Variants in CDK10 observed in about 807,000 individuals in gnomAD.
CDK10 encodes the protein cyclin-dependent kinase 10.
CDK10 carries 55 observed loss-of-function variants against 51.0 expected under a neutral mutation model. The observed-to-expected ratio is 1.08, with a 90% CI of 0.87 to 1.35. CDK10 has a LOEUF of 1.35. Among genes scored for constraint, CDK10 ranks in the 40% most tolerant of loss-of-function variants. The probability of loss-of-function intolerance (pLI) is 0.00; values close to 1 mark genes in which losing one functional copy is unlikely to be tolerated. For missense variants in CDK10, 589 were observed against 485.1 expected (o/e 1.21, Z -2.01); for synonymous variants, 255 against 199.1 (o/e 1.28, Z -2.36).
chr16:89,691,278 C>T (rs1328978912), intron 3 of CDK10, among the ~76,000 whole-genome samples, 165 bp from the exon 4 acceptor site: 1 of 151,110 alleles, frequency 6.6e-6, no homozygotes, highest in Non-Finnish European at 1.5e-5. Flanking sequence ...AGCGAAACTC[C>T]GTCTCAAAAA....
At chr16:89,690,757 C>G in intron 3 of CDK10, 133 bp downstream of exon 3, 2 of 764,130 alleles carry the variant, frequency 2.6e-6, no homozygotes, top group Non-Finnish European at 2.3e-6. Flanking sequence ...TCTGGTGTGG[C>G]CCAGCACATC....
intron 2 of CDK10, chr16:89,690,177 A>T (rs1044769509): frequency 1.8e-5 from 4 of 224,176 alleles, no homozygotes; most frequent in African/African-American, 9.0e-5. Flanking sequence ...CCATCTTCAC[A>T]CAAAATAAGG....
chr16:89,695,841 TCTGCCCTGAACCCACTG>T lies in CDK10; in HGVS notation c.*156_*172del. On this transcript the variant is annotated 3_prime_UTR_variant, in exon 13 of 13. Transcript: ENST00000353379. ...ATCCTCCACTGACTTCCTCCCACTG[TCTGCCCTGAACCCACTG>T]CTGCCCCCAGAAAAAGGCCGGGTGA... 1.3e-6 allele frequency: 2 copies of T among 1,521,792 alleles called. No homozygotes were observed. The highest frequency in any genetic ancestry group is 1.8e-6 in the Non-Finnish European group (2 of 1,131,366). The allele number at this position is 1,521,792 out of a possible 1,614,324, so 94.3% of individuals were successfully genotyped here.
intron 1 of CDK10, among the ~76,000 whole-genome samples, chr16:89,688,229 C>T (rs1022351143): frequency 3.3e-5 from 5 of 151,880 alleles, no homozygotes; most frequent in Non-Finnish European, 7.4e-5. Flanking sequence ...CTACAGGCGC[C>T]CGCCACCACG....
At chr16:89,689,154 G>T (rs2060330778) in intron 1 of CDK10, 98 bp from the exon 2 acceptor site, 1 of 1,105,252 alleles carries the variant, frequency 9.0e-7, no homozygotes, top group African/African-American at 1.5e-5. Context: ...TGGTGAGCAA[G>T]ACGTGAGTGG....
At chr16:89,694,562 C>G in intron 9 of CDK10, 103 bp from the exon 10 acceptor site, 1 of 1,531,416 alleles carries the variant, frequency 6.5e-7, no homozygotes, top group Non-Finnish European at 8.8e-7. Flanking sequence ...GTGCCTCACA[C>G]TGGCAGGGTC....
Position 89,695,326 on chromosome 16 carries a change from T to C in CDK10, c.966T>C (p.Tyr322=), listed in dbSNP as rs2060668866. 2 of 1,612,560 alleles carry C rather than the reference T, an allele frequency of 1.2e-6. No individual in the cohort carries two copies. The highest frequency in any genetic ancestry group is 1.7e-6 in the Non-Finnish European group (2 of 1,179,112). The part of the protein sequence containing the change: ...ATAGDCLESS[Y]FKEKPLPCEP... Reference sequence around the variant, plus strand: ...CCGGGGACTGCCTGGAGAGCTCCTATTTCAAGGAGAAGCCCCTACGTGAGT... The same window carrying C: ...CCGGGGACTGCCTGGAGAGCTCCTACTTCAAGGAGAAGCCCCTACGTGAGT... The change falls in exon 12 of 13, where the codon TAT becomes TAC. Residue 322 remains tyrosine (Y), a synonymous_variant. Transcript: ENST00000353379.
Position 89,696,216 on chromosome 16 carries a change from C to T in CDK10, c.*524C>T, listed in dbSNP as rs1317648241. 1.8e-5 allele frequency: 5 copies of T among 270,644 alleles called. No individual in the cohort carries two copies. Among genetic ancestry groups the T allele is most frequent in the Non-Finnish European group, 2.9e-5 (4 of 139,346 alleles). 16.8% of individuals were successfully genotyped at this position (270,644 alleles called of 1,614,324 possible). On this transcript the variant is annotated 3_prime_UTR_variant, in exon 13 of 13. Transcript: ENST00000353379. ...GGGGTGGGAGCCACAATTGAGGATA[C>T]CCCGAGACTACCAGGAGAGCCCTGG... is the stretch of plus-strand genomic sequence containing the variant.
rs138750016 is a variant in CDK10, at chr16:89,693,474, CCTT to C, written c.608+10_608+12del. On this transcript the variant is annotated splice_region_variant and intron_variant, in intron 8 of 12. Transcript: ENST00000353379. ...CCAAGGTGGTCACTCTCTGGTAAGT[CCTT>C]CTGAAGCATGGTGGCCCCTGGGGAC... 3.6e-3 allele frequency: 5,860 copies of C among 1,613,862 alleles called. 10 individuals are homozygous for C. Among genetic ancestry groups the C allele is most frequent in the Non-Finnish European group, 4.5e-3 (5,353 of 1,179,882 alleles).
chr16:89,690,534 C>T lies in CDK10; in HGVS notation c.161-19C>T, dbSNP rs760368884. 1.2e-6 allele frequency: 2 copies of T among 1,611,576 alleles called. No homozygotes were observed. The highest frequency in any genetic ancestry group is 1.7e-6 in the Non-Finnish European group (2 of 1,177,884). ...AGGGGCATCGAGATGATGTCATCAC[C>T]AATGTGTTTCCATTCCAGATCGGGC... is the stretch of plus-strand genomic sequence containing the variant. On this transcript the variant is annotated intron_variant, in intron 2 of 12. Coordinates refer to ENST00000353379, the MANE Select transcript of CDK10 (RefSeq NM_052988.5).
intron 8 of CDK10, 59 bp downstream of exon 8, chr16:89,693,526 C>T: frequency 2.6e-6 from 4 of 1,551,458 alleles, no homozygotes; most frequent in Non-Finnish European, 2.7e-6. Flanking sequence ...TGGAGGTCTC[C>T]TTGGGGATGT....
At chr16:89,692,798 A>G in intron 6 of CDK10, 1 of 295,848 alleles carries the variant, frequency 3.4e-6, no homozygotes. Flanking sequence ...GATTTTTAAA[A>G]GGTCCAAACA....
chr16:89,687,022 G>C (rs1337147240), intron 1 of CDK10: 3 of 457,928 alleles, frequency 6.6e-6, no homozygotes, highest in Admixed American at 4.4e-5. Flanking sequence ...GCTCAGGGAT[G>C]CCTCGCGCCC....
At chr16:89,688,217 G>A (rs1229928063) in intron 1 of CDK10, among the ~76,000 whole-genome samples, 1 of 151,810 alleles carries the variant, frequency 6.6e-6, no homozygotes, top group African/African-American at 2.4e-5. Flanking sequence ...AAGCAGCTGG[G>A]ACTACAGGCG....
In CDK10 at chr16:89,686,734, C is replaced by A; in HGVS notation, c.24C>A (p.Cys8Ter). ...GCATGGCGGAGCCAGATCTGGAGTG[C>A]GAGCAGATCCGTCTGAAGTGTATTC... MAEPDLECEQIRLKCIRK... is the reference protein window; with the variant it reads MAEPDLE The change falls in exon 1 of 13, where the codon TGC (cysteine) becomes TGA (stop). Residue 8 changes from cysteine (C) to a stop codon, truncating the protein, a stop_gained. Transcript: ENST00000353379. LOFTEE classifies it high-confidence loss of function. 1.2e-6 allele frequency: 2 copies of A among 1,610,416 alleles called. No homozygotes were observed. The highest frequency in any genetic ancestry group is 1.1e-5 in the South Asian group (1 of 90,638).
chr16:89,694,748 T>C lies in CDK10; in HGVS notation c.752T>C (p.Ile251Thr). Residue 251 changes from isoleucine to threonine, a missense_variant, in exon 10 of 13, where the codon ATC becomes ACC. By Grantham distance (89) the Ile-to-Thr change is moderately conservative. Coordinates refer to ENST00000353379, the MANE Select transcript of CDK10 (RefSeq NM_052988.5). ...GTSEIHQIDLIVQLLGTPSEN... is the reference protein window; with the variant it reads ...GTSEIHQIDLTVQLLGTPSEN... Reference sequence around the variant, plus strand: ...TCCGAGATCCACCAGATCGACTTGATCGTGCAGCTGCTGGGCACGCCCAGT... The same window carrying C: ...TCCGAGATCCACCAGATCGACTTGACCGTGCAGCTGCTGGGCACGCCCAGT... 6 of 1,572,986 alleles carry C rather than the reference T, an allele frequency of 3.8e-6. No individual in the cohort carries two copies. The highest frequency in any genetic ancestry group is 5.2e-6 in the Non-Finnish European group (6 of 1,160,208).
At chr16:89,695,418 G>A (rs2060675744) in intron 12 of CDK10, 73 bp downstream of exon 12, 19 of 1,541,136 alleles carry the variant, frequency 1.2e-5, no homozygotes, top group Middle Eastern at 1.7e-4. Flanking sequence ...GTGGGTGGTG[G>A]AGAAGTGGCC....
rs546186910 is a variant in CDK10 at position 89,692,321 on chromosome 16, C to T, written c.418-128C>T. 5 of 672,436 alleles carry T rather than the reference C, an allele frequency of 7.4e-6. No individual in the cohort carries two copies. In the South Asian group the frequency reaches 1.1e-4, roughly 15 times the overall value. The allele number at this position is 672,436 out of a possible 1,614,324, so 41.7% of individuals were successfully genotyped here. A position where few individuals can be genotyped will look rare whatever the true frequency, so the allele number is the denominator to read the frequency against. ...GAGCGTGCAGCCCCGGGGCCGAGAG[C>T]CTTCTGAGGGCACTGGTTTCCTGGG... On this transcript the variant is annotated intron_variant, in intron 5 of 12. Coordinates refer to ENST00000353379, the MANE Select transcript of CDK10 (RefSeq NM_052988.5).
chr16:89,696,067 A>G lies in CDK10; in HGVS notation c.*375A>G. ...TTGTGGTGGACGCTGGCCTGGGATG[A>G]GAGGGCCCAGAAGACCTTCGTATCC... On this transcript the variant is annotated 3_prime_UTR_variant, in exon 13 of 13. Transcript: ENST00000353379. 1.8e-6 allele frequency: 1 copy of G among 545,730 alleles called. No homozygotes were observed. The highest frequency in any genetic ancestry group is 5.0e-4 in the Middle Eastern group (1 of 2,008). The allele number at this position is 545,730 out of a possible 1,614,324, so 33.8% of individuals were successfully genotyped here. A position where few individuals can be genotyped will look rare whatever the true frequency, so the allele number is the denominator to read the frequency against.
Sources: allele counts gnomAD v4.1 joint callset (sites outside exome capture counted in the v4.1 genomes callset), GRCh38; gene constraint gnomAD v4.1.1; transcripts MANE v1.5; gene names NCBI Gene and HGNC (gene_info 2026-07-23, HGNC 2026-07-21).